SAG: variants seen among roughly 807,000 people sequenced by gnomAD.
SAG encodes the protein S-antigen visual arrestin.
Under a neutral mutation model 55.0 loss-of-function variants are expected in SAG, and 45 were observed. The ratio of observed to expected loss-of-function variants is 0.82; its 90% CI spans 0.64 to 1.05. The LOEUF is 1.05. SAG is among the 50% of genes least tolerant of loss of function. The pLI, the probability that SAG is intolerant of heterozygous loss-of-function variation, is 0.00. For missense variants in SAG, 455 were observed against 512.1 expected (o/e 0.89, Z 1.08); for synonymous variants, 189 against 197.4 (o/e 0.96, Z 0.36).
intron 11 of SAG, among the ~76,000 whole-genome samples, chr2:233,337,221 T>A (rs1001728103): frequency 2.0e-5 from 3 of 147,914 alleles, no homozygotes; most frequent in Non-Finnish European, 4.5e-5. Flanking sequence ...ATAAAGATAT[T>A]CTGTCCTCTT....
chr2:233,321,971 C>T (rs1046112230), intron 5 of SAG, among the ~76,000 whole-genome samples: 41 of 147,016 alleles, frequency 2.8e-4, no homozygotes, highest in Non-Finnish European at 2.7e-4. Context: ...GGTGAAACCC[C>T]GTCTCTACTA....
At chr2:233,311,897 A>G (rs1700084587) in intron 2 of SAG, among the ~76,000 whole-genome samples, 1 of 152,268 alleles carries the variant, frequency 6.6e-6, no homozygotes, top group South Asian at 2.1e-4. Flanking sequence ...AGGCCAAGGC[A>G]GGTGGATCAC....
chr2:233,326,962 T>C (rs545503808), intron 6 of SAG, among the ~76,000 whole-genome samples, 159 bp from the exon 7 acceptor site: 1 of 152,368 alleles, frequency 6.6e-6, no homozygotes, highest in African/African-American at 2.4e-5. Flanking sequence ...ACTGTCAGTA[T>C]GCTTCCAAAT....
chr2:233,333,703 A>G (rs1198480081), intron 10 of SAG: 1 of 152,164 alleles, frequency 6.6e-6, no homozygotes, highest in African/African-American at 2.4e-5. Context: ...CACAAACACA[A>G]AAAGTCCATC....
intron 5 of SAG, among the ~76,000 whole-genome samples, chr2:233,321,860 A>G (rs1485406909): frequency 6.6e-6 from 1 of 152,128 alleles, no homozygotes; most frequent in African/African-American, 2.4e-5. Context: ...TGGGAGTTTG[A>G]AGTGACATAA....
intron 6 of SAG, among the ~76,000 whole-genome samples, chr2:233,323,683 C>A (rs1559440263): frequency 6.6e-6 from 1 of 152,146 alleles, no homozygotes; most frequent in Non-Finnish European, 1.5e-5. Context: ...TTAAAGATAG[C>A]TTTTTTTCAT....
Position 233,308,762 on chromosome 2 carries a change from G to A in SAG, c.-28-400G>A, listed in dbSNP as rs144764884. ...TCTTGAAAACAGTCTTTGCGAAGTGGTTATGTTGTGGTTTTCAGGAACTTT... is the reference window on the plus strand; with the variant it reads ...TCTTGAAAACAGTCTTTGCGAAGTGATTATGTTGTGGTTTTCAGGAACTTT... On this transcript the variant is annotated intron_variant, in intron 1 of 15. Transcript: ENST00000409110. Among the ~76,000 whole-genome samples the A allele has an allele frequency of 3.2e-3, 484 of 152,184 alleles. 2 individuals carry two copies. The highest frequency in any genetic ancestry group is 3.4e-3 in the Middle Eastern group (1 of 294).
chr2:233,313,715 C>CTTTTTTTTTT (rs58355307), intron 2 of SAG, among the ~76,000 whole-genome samples: 1 of 78,950 alleles, frequency 1.3e-5, no homozygotes, highest in Non-Finnish European at 2.5e-5. Context: ...CCGGGCTAAT[C>CTTTTTTTTTT]TTTTTTTTTT....
chr2:233,337,650 G>A (rs906151773), intron 11 of SAG, among the ~76,000 whole-genome samples: 16 of 152,242 alleles, frequency 1.1e-4, no homozygotes, highest in East Asian at 3.9e-4. Context: ...AGAGGTTCCC[G>A]AGCTGACGTC....
chr2:233,312,126 CAAAT>C (rs1304143401), intron 2 of SAG, among the ~76,000 whole-genome samples: 2 of 152,156 alleles, frequency 1.3e-5, no homozygotes, highest in Non-Finnish European at 2.9e-5. Context: ...AACTCTGTCT[CAAAT>C]AAATAAACAA....
chr2:233,316,670 C>A (rs748625721), intron 3 of SAG, among the ~76,000 whole-genome samples: 1 of 152,156 alleles, frequency 6.6e-6, no homozygotes, highest in Non-Finnish European at 1.5e-5. Context: ...GTATGAAGAA[C>A]GCTCAGAACT....
chr2:233,316,893 G>GT (rs1158179473), intron 3 of SAG, among the ~76,000 whole-genome samples: 3 of 152,048 alleles, frequency 2.0e-5, no homozygotes, highest in Admixed American at 1.3e-4. Flanking sequence ...AGTAATTGCA[G>GT]TTTTTTGCCA....
In SAG at chr2:233,316,167, T is replaced by G; in HGVS notation, c.136+32T>G. 2.9e-6 allele frequency: 4 copies of G among 1,365,768 alleles called. No homozygotes were observed. The South Asian group carries it at 4.9e-5, about 17-fold the overall frequency. The allele number at this position is 1,365,768 out of a possible 1,614,324, so 84.6% of individuals were successfully genotyped here. ...TGCTTGGAGAAAACTGTAATGCTGG[T>G]TTTCCTTTAAGTCACAGATAACCGC... On this transcript the variant is annotated intron_variant, in intron 3 of 15. Coordinates refer to ENST00000409110, the MANE Select transcript of SAG (RefSeq NM_000541.5).
In SAG at chr2:233,319,663, C is replaced by G. The variant is rs978494497; in HGVS notation, c.181+868C>G. On this transcript the variant is annotated intron_variant, in intron 4 of 15. Transcript: ENST00000409110. This position sits in a 1 kb window ranked among gnomAD's most constrained non-coding sequence, Gnocchi z 4.4. ...CACCTTCCTCCTGGGTGCCCTGCTCCTCTCTGGACCAGGAGGCATCTGGTT... is the reference window on the plus strand; with the variant it reads ...CACCTTCCTCCTGGGTGCCCTGCTCGTCTCTGGACCAGGAGGCATCTGGTT... 1.0e-6 allele frequency: 1 copy of G among 986,056 alleles called. No individual in the cohort carries two copies. The highest frequency in any genetic ancestry group is 1.2e-6 in the Non-Finnish European group (1 of 830,434). The allele number at this position is 986,056 out of a possible 1,614,324, so 61.1% of individuals were successfully genotyped here. A position where few individuals can be genotyped will look rare whatever the true frequency, so the allele number is the denominator to read the frequency against.
chr2:233,342,231 T>C, intron 13 of SAG, 40 bp from the exon 14 acceptor site: 1 of 1,489,210 alleles, frequency 6.7e-7, no homozygotes, highest in Non-Finnish European at 9.2e-7. Flanking sequence ...TACAATTGTG[T>C]GTATGGGTGT....
At chr2:233,317,484 C>T (rs58639825) in intron 3 of SAG, among the ~76,000 whole-genome samples, 3,072 of 152,308 alleles carry the variant, frequency 0.02, 124 homozygotes, top group African/African-American at 0.071. Flanking sequence ...CACAAAACGT[C>T]TTTTAAAGAG....
At position 233,319,980 on chromosome 2, in the gene SAG, T is replaced by C. The variant is rs1700330645; in HGVS notation, c.182-650T>C. ...TTCGTGTCTTTTTTAGAAGGTGTAG[T>C]GAACTTCATACAATTCTTCTGGTCT... On this transcript the variant is annotated intron_variant, in intron 4 of 15. Coordinates refer to ENST00000409110, the MANE Select transcript of SAG (RefSeq NM_000541.5). This position sits in a 1 kb window ranked among gnomAD's most constrained non-coding sequence, Gnocchi z 4.4. 1.0e-6 allele frequency: 1 copy of C among 985,362 alleles called. No individual in the cohort carries two copies. Among genetic ancestry groups the C allele is most frequent in the African/African-American group, 1.7e-5 (1 of 57,252 alleles). The allele number at this position is 985,362 out of a possible 1,614,324, so 61.0% of individuals were successfully genotyped here.
chr2:233,341,033 C>T (rs1339920649), intron 13 of SAG, among the ~76,000 whole-genome samples: 3 of 152,092 alleles, frequency 2.0e-5, no homozygotes, highest in East Asian at 1.9e-4. Flanking sequence ...AGGCTGGTCT[C>T]GAACTCCTGA....
chr2:233,319,454 A>G lies in SAG; in HGVS notation c.181+659A>G. On this transcript the variant is annotated intron_variant, in intron 4 of 15. Coordinates refer to ENST00000409110, the MANE Select transcript of SAG (RefSeq NM_000541.5). The surrounding 1 kb of genome is among the most constrained non-coding windows in gnomAD (Gnocchi z 4.4). ...AACCAAATTAGAACAGATTCCAGCT[A>G]TCCTTGTGATAATGTCACTGACTCA... 2 of 406,006 alleles carry G rather than the reference A, an allele frequency of 4.9e-6. No homozygotes were observed. The highest frequency in any genetic ancestry group is 6.8e-6 in the Non-Finnish European group (2 of 294,976). The allele number at this position is 406,006 out of a possible 1,614,324, so 25.2% of individuals were successfully genotyped here. A position where few individuals can be genotyped will look rare whatever the true frequency, so the allele number is the denominator to read the frequency against.
Sources: allele counts gnomAD v4.1 joint callset (sites outside exome capture counted in the v4.1 genomes callset), GRCh38; gene constraint gnomAD v4.1.1; non-coding constraint Gnocchi (gnomAD v3.1); transcripts MANE v1.5; gene names NCBI Gene and HGNC (gene_info 2026-07-23, HGNC 2026-07-21).